Variants in HIPK2 observed in about 807,000 individuals in gnomAD.
HIPK2 encodes the protein homeodomain interacting protein kinase 2.
Under a neutral mutation model 113.7 loss-of-function variants are expected in HIPK2, and 27 were observed. The observed-to-expected ratio is 0.24, with a 90% confidence interval of 0.17 to 0.33. HIPK2 has a LOEUF of 0.33. Among genes scored for constraint, HIPK2 ranks in the 10% least tolerant of loss-of-function variants. The pLI, the probability that HIPK2 is intolerant of heterozygous loss-of-function variation, is 1.00. For missense variants in HIPK2, 1,257 were observed against 1,588.0 expected, an observed-to-expected ratio of 0.79 and a Z score of 3.54; for synonymous variants, 631 against 642.2, an observed-to-expected ratio of 0.98 and a Z score of 0.26.
chr7:139,668,343 C>G (rs542226157), intron 2 of HIPK2, among the ~76,000 whole-genome samples: 1 of 151,910 alleles, frequency 6.6e-6, no homozygotes, highest in African/African-American at 2.4e-5. Context: ...GGGTGGATCA[C>G]GAGGTCAGGA....
intron 2 of HIPK2, among the ~76,000 whole-genome samples, chr7:139,659,819 A>T (rs1801806284): frequency 6.6e-6 from 1 of 152,010 alleles, no homozygotes; most frequent in African/African-American, 2.4e-5. Flanking sequence ...GATTTCCTTT[A>T]TTCAGTTCTC....
chr7:139,610,254 C>A (rs1440607657), intron 9 of HIPK2, among the ~76,000 whole-genome samples: 1 of 152,186 alleles, frequency 6.6e-6, no homozygotes, highest in East Asian at 1.9e-4. Context: ...TCCTGGCTTA[C>A]TAGGGTTAAG....
intron 1 of HIPK2, among the ~76,000 whole-genome samples, chr7:139,758,430 T>C (rs1296210125): frequency 6.6e-6 from 1 of 152,024 alleles, no homozygotes; most frequent in African/African-American, 2.4e-5. Flanking sequence ...AATATAAAGT[T>C]GCATCCAAGC....
chr7:139,721,947 C>T (rs1009667117), intron 1 of HIPK2: 3 of 318,338 alleles, frequency 9.4e-6, no homozygotes, highest in South Asian at 2.6e-5. Flanking sequence ...CATTTTCATT[C>T]ACTAAAGGAC....
intron 1 of HIPK2, among the ~76,000 whole-genome samples, chr7:139,729,532 C>T (rs1035585500): frequency 1.3e-5 from 2 of 152,178 alleles, no homozygotes; most frequent in African/African-American, 4.8e-5. Context: ...TCTTCATGCC[C>T]CTCAGCATCG....
chr7:139,680,403 A>G (rs979982028), intron 2 of HIPK2, among the ~76,000 whole-genome samples: 7 of 152,114 alleles, frequency 4.6e-5, no homozygotes, highest in African/African-American at 1.7e-4. Flanking sequence ...AGCCAAGTCA[A>G]CTCTGGTTTT....
At chr7:139,581,551 G>A (rs1798668814) in intron 13 of HIPK2, among the ~76,000 whole-genome samples, 1 of 152,254 alleles carries the variant, frequency 6.6e-6, no homozygotes, top group Admixed American at 6.5e-5. Context: ...AGGAGGGGGT[G>A]AGTATGGCGG....
Position 139,613,312 on chromosome 7 carries a change from A to T in HIPK2, c.2002T>A (p.Ser668Thr). 6.2e-7 allele frequency: 1 copy of T among 1,613,328 alleles called. No homozygotes were observed. The highest frequency in any genetic ancestry group is 8.5e-7 in the Non-Finnish European group (1 of 1,179,640). The change falls in exon 9 of 15, where the codon TCT (serine) becomes ACT (threonine). Residue 668 changes from serine to threonine, a missense_variant. This residue lies in a region of HIPK2 where 862 missense variants were observed against 1,004.3 expected (regional missense o/e 0.86). Coordinates refer to ENST00000406875, the MANE Select transcript of HIPK2 (RefSeq NM_022740.5). This position sits in a 1 kb window ranked among gnomAD's most constrained non-coding sequence, Gnocchi z 4.2. ...CPPGFQGLQA[S>T]PSKHAGYSVR... is the part of the protein sequence containing the mutation. ...GAGTAGCCAGCGTGCTTAGAGGGAGAGGCCTGCAAGCCTGTTCCAGACAGT... is the reference window on the plus strand; with the variant it reads ...GAGTAGCCAGCGTGCTTAGAGGGAGTGGCCTGCAAGCCTGTTCCAGACAGT...
chr7:139,714,343 G>A lies in HIPK2; in HGVS notation c.1103+1589C>T, dbSNP rs573728154. Reference sequence around the variant, plus strand: ...AGTCAGGATTAGGATGAAAGGAGACGGGGTGGAAGGTGGGAGGGCATCTGG... The same window carrying A: ...AGTCAGGATTAGGATGAAAGGAGACAGGGTGGAAGGTGGGAGGGCATCTGG... On this transcript the variant is annotated intron_variant, in intron 2 of 14. Coordinates refer to ENST00000406875, the MANE Select transcript of HIPK2 (RefSeq NM_022740.5). The surrounding 1 kb of genome is among the most constrained non-coding windows in gnomAD (Gnocchi z 4.2). Among the ~76,000 whole-genome samples the A allele has an allele frequency of 3.3e-5, 5 of 152,334 alleles. No individual in the cohort carries two copies. Among genetic ancestry groups the A allele is most frequent in the Admixed American group, 1.3e-4 (2 of 15,308 alleles).
intron 2 of HIPK2, among the ~76,000 whole-genome samples, chr7:139,696,486 G>A (rs940388546): frequency 3.9e-5 from 6 of 152,032 alleles, no homozygotes; most frequent in Non-Finnish European, 5.9e-5. Context: ...GGGAGGCTGA[G>A]GGAGGGGGAT....
chr7:139,651,317 G>A (rs1015315458), intron 2 of HIPK2, among the ~76,000 whole-genome samples: 25 of 151,900 alleles, frequency 1.6e-4, no homozygotes, highest in African/African-American at 2.4e-5. Context: ...TATTCCACAG[G>A]ATGAACCCGG....
intron 2 of HIPK2, among the ~76,000 whole-genome samples, chr7:139,678,656 C>T (rs1802593229): frequency 1.3e-5 from 2 of 152,214 alleles, no homozygotes; most frequent in Admixed American, 1.3e-4. Flanking sequence ...CTTGGCTATA[C>T]AGGCTCTTTT....
rs1347895560 is a variant in HIPK2, at chr7:139,613,849, T to G, written c.1990+437A>C. Among the ~76,000 whole-genome samples, 2 of 150,806 alleles carry G rather than the reference T, an allele frequency of 1.3e-5. No homozygotes were observed. Among genetic ancestry groups the G allele is most frequent in the Non-Finnish European group, 3.0e-5 (2 of 67,700 alleles). On this transcript the variant is annotated intron_variant, in intron 8 of 14. Transcript: ENST00000406875. This position sits in a 1 kb window ranked among gnomAD's most constrained non-coding sequence, Gnocchi z 4.2. ...GCCAAAGAATTGTTTTGAGGAGGGG[T>G]CCCAGGGAAGTACTTTTCAGACTGA...
chr7:139,760,005 G>GC (rs761713677), intron 1 of HIPK2, among the ~76,000 whole-genome samples: 1 of 143,578 alleles, frequency 7.0e-6, no homozygotes, highest in African/African-American at 2.5e-5. Flanking sequence ...CTACCTAGTT[G>GC]TTTTTTTTTT....
At chr7:139,619,725 CTT>C (rs1189678025) in intron 7 of HIPK2, among the ~76,000 whole-genome samples, 5 of 152,102 alleles carry the variant, frequency 3.3e-5, no homozygotes. Flanking sequence ...GTTCTAGAAT[CTT>C]TATTTTTTTT....
At chr7:139,751,629 T>C (rs558560499) in intron 1 of HIPK2, among the ~76,000 whole-genome samples, 36 of 149,158 alleles carry the variant, frequency 2.4e-4, no homozygotes, top group Admixed American at 2.0e-3. Context: ...GATGGATGGA[T>C]GGACAAACAT....
chr7:139,649,138 T>G (rs1801359474), intron 2 of HIPK2, among the ~76,000 whole-genome samples: 1 of 152,090 alleles, frequency 6.6e-6, no homozygotes, highest in African/African-American at 2.4e-5. Flanking sequence ...CAGCCTCATT[T>G]CTCAGTTCTG....
intron 6 of HIPK2, among the ~76,000 whole-genome samples, chr7:139,625,327 C>A (rs1039208041): frequency 6.6e-6 from 1 of 152,236 alleles, no homozygotes; most frequent in South Asian, 2.1e-4. Context: ...CACTGCGTTA[C>A]TGACAACTTG....
At chr7:139,713,816 C>T (rs948149897) in intron 2 of HIPK2, among the ~76,000 whole-genome samples, 2 of 152,232 alleles carry the variant, frequency 1.3e-5, no homozygotes, top group African/African-American at 4.8e-5. Flanking sequence ...CAGCACAGCA[C>T]CAGCTAGCCC....
Sources: gnomAD v4.1 joint callset for allele counts (sites outside exome capture counted in the v4.1 genomes callset) on GRCh38, gnomAD v4.1.1 for gene constraint, gnomAD v4.1.1 regional missense constraint, Gnocchi (gnomAD v3.1) non-coding constraint, MANE v1.5 for transcripts, NCBI Gene and HGNC (gene_info 2026-07-23, HGNC 2026-07-21) for gene names.